The following LRMDA variants were observed in gnomAD, a reference collection of about 807,000 sequenced individuals.
The protein encoded by LRMDA is leucine rich melanocyte differentiation associated, also known as leucine-rich melanocyte differentiation-associated protein.
LRMDA carries 18 observed loss-of-function variants against 29.8 expected under a neutral mutation model. That is an observed-to-expected ratio of 0.60 (90% confidence interval 0.42 to 0.90). The LOEUF is 0.90. LRMDA is among the 40% of genes least tolerant of loss of function. LRMDA has a pLI of 0.00. For missense variants in LRMDA, 273 were observed against 273.9 expected, an observed-to-expected ratio of 1.00 and a Z score of 0.02; for synonymous variants, 125 against 109.4, an observed-to-expected ratio of 1.14 and a Z score of -0.89.
chr10:76,452,633 A>G (rs901851694), intron 6 of LRMDA, among the ~76,000 whole-genome samples: 5 of 152,202 alleles, frequency 3.3e-5, no homozygotes, highest in Admixed American at 3.3e-4. Context: ...AGAAAATGGA[A>G]AGCAGTGTCC....
chr10:75,814,575 C>T (rs1241119304), intron 2 of LRMDA, among the ~76,000 whole-genome samples: 1 of 148,164 alleles, frequency 6.7e-6, no homozygotes, highest in East Asian at 1.9e-4. Context: ...CCAGCCTTGG[C>T]CCCGCCACCT....
At chr10:76,410,103 A>G (rs752240300) in intron 6 of LRMDA, among the ~76,000 whole-genome samples, 3 of 152,122 alleles carry the variant, frequency 2.0e-5, no homozygotes, top group Non-Finnish European at 4.4e-5. Flanking sequence ...GGGCAGAGGC[A>G]TGGAATGTTG....
intron 5 of LRMDA, among the ~76,000 whole-genome samples, chr10:76,218,361 G>A (rs558803094): frequency 3.8e-4 from 58 of 152,340 alleles, no homozygotes; most frequent in Non-Finnish European, 6.9e-4. Context: ...TGGCAGTGCC[G>A]AGAGACCCGG....
intron 3 of LRMDA, among the ~76,000 whole-genome samples, chr10:76,039,442 T>A (rs1350621622): frequency 6.6e-6 from 1 of 152,214 alleles, no homozygotes; most frequent in African/African-American, 2.4e-5. Context: ...TATTTTAAAT[T>A]TTTTTGGTTT....
rs375968552 is a variant in LRMDA, at chr10:75,935,098, C to T, written c.132-100910C>T. 3.2e-4 allele frequency among the ~76,000 whole-genome samples: 49 copies of T among 152,240 alleles called. 1 individual carries two copies. The highest frequency in any genetic ancestry group is 2.5e-3 in the East Asian group (13 of 5,164). On this transcript the variant is annotated intron_variant, in intron 2 of 6. Coordinates refer to ENST00000611255, the MANE Select transcript of LRMDA (RefSeq NM_001305581.2). ...CTCACTACAGCCACTCCCAAAGAAA[C>T]AAGAATCCTTTTTCTTTCCCGTCTC...
chr10:75,757,663 A>T (rs1002167708), intron 2 of LRMDA, among the ~76,000 whole-genome samples: 5 of 152,156 alleles, frequency 3.3e-5, no homozygotes, highest in African/African-American at 1.2e-4. Context: ...CTGAGTTAAG[A>T]TGGTATGTAC....
chr10:75,611,227 G>GCAGC, intron 2 of LRMDA, among the ~76,000 whole-genome samples: 2 of 152,254 alleles, frequency 1.3e-5, no homozygotes, highest in Middle Eastern at 6.8e-3. Flanking sequence ...GGAGGCAAGT[G>GCAGC]CAGCCCTGAT....
At chr10:76,022,750 G>T (rs1341911902) in intron 2 of LRMDA, among the ~76,000 whole-genome samples, 2 of 152,062 alleles carry the variant, frequency 1.3e-5, no homozygotes, top group Non-Finnish European at 2.9e-5. Context: ...TCCTAGGCCT[G>T]GCTAGGGGAT....
chr10:75,550,667 G>A lies in LRMDA; in HGVS notation c.131+112173G>A, dbSNP rs144148605. Among the ~76,000 whole-genome samples, 14 of 151,840 alleles carry A rather than the reference G, an allele frequency of 9.2e-5. No individual in the cohort carries two copies. In the East Asian group the frequency reaches 2.7e-3, roughly 29 times the overall value. ...GCCATTTATCCTTAATGTAACTATTGGTATAGTTGGTTTTGAGTCTACCAT... is the reference window on the plus strand; with the variant it reads ...GCCATTTATCCTTAATGTAACTATTAGTATAGTTGGTTTTGAGTCTACCAT... On this transcript the variant is annotated intron_variant, in intron 2 of 6. Coordinates refer to ENST00000611255, the MANE Select transcript of LRMDA (RefSeq NM_001305581.2).
intron 2 of LRMDA, among the ~76,000 whole-genome samples, chr10:75,502,430 T>G (rs1211440993): frequency 6.6e-6 from 1 of 152,050 alleles, no homozygotes; most frequent in Non-Finnish European, 1.5e-5. Context: ...TTTTAGATTT[T>G]TTTTTTTTAT....
intron 2 of LRMDA, among the ~76,000 whole-genome samples, chr10:75,752,929 T>C (rs1842985402): frequency 6.6e-6 from 1 of 152,214 alleles, no homozygotes; most frequent in Non-Finnish European, 1.5e-5. Context: ...TTGATCTGTG[T>C]CCACCTACTT....
chr10:75,971,368 T>C (rs780440303), intron 2 of LRMDA, among the ~76,000 whole-genome samples: 4 of 152,200 alleles, frequency 2.6e-5, no homozygotes, highest in Non-Finnish European at 4.4e-5. Context: ...AGGGTTTATG[T>C]AGTGCTTGTC....
In LRMDA at chr10:76,558,596, G is replaced by A. The variant is rs560252332; in HGVS notation, c.*1308G>A. The A allele has an allele frequency of 1.3e-5, 2 of 152,304 alleles. No individual in the cohort carries two copies. The highest frequency in any genetic ancestry group is 4.1e-4 in the South Asian group (2 of 4,822). The allele number at this position is 152,304 out of a possible 1,614,324, so 9.4% of individuals were successfully genotyped here. Reference sequence around the variant, plus strand: ...TTTCTGCTTCTTCCATTTAGACCAAGTGTTCATTGTCCTCCCAGTATTAGG... The same window carrying A: ...TTTCTGCTTCTTCCATTTAGACCAAATGTTCATTGTCCTCCCAGTATTAGG... On this transcript the variant is annotated 3_prime_UTR_variant, in exon 7 of 7. Transcript: ENST00000611255.
chr10:76,513,088 T>C (rs1843024587), intron 6 of LRMDA, among the ~76,000 whole-genome samples: 1 of 152,150 alleles, frequency 6.6e-6, no homozygotes, highest in Non-Finnish European at 1.5e-5. Flanking sequence ...CTTTATTACA[T>C]ATAGATCAAT....
chr10:76,093,806 C>T (rs947772386), intron 5 of LRMDA, among the ~76,000 whole-genome samples: 1 of 152,162 alleles, frequency 6.6e-6, no homozygotes, highest in African/African-American at 2.4e-5. Context: ...TGAGGTCTCA[C>T]GTTCCCCCAC....
At chr10:75,866,526 G>GC (rs1318451412) in intron 2 of LRMDA, among the ~76,000 whole-genome samples, 2 of 152,186 alleles carry the variant, frequency 1.3e-5, no homozygotes, top group Non-Finnish European at 2.9e-5. Context: ...TCAGAGAGAG[G>GC]CATGGGCAGC....
chr10:75,959,307 T>G (rs1056852532), intron 2 of LRMDA, among the ~76,000 whole-genome samples: 1 of 151,916 alleles, frequency 6.6e-6, no homozygotes, highest in African/African-American at 2.4e-5. Flanking sequence ...AGGGACCGGG[T>G]TTTGGGCAGC....
intron 2 of LRMDA, among the ~76,000 whole-genome samples, chr10:75,987,524 T>C (rs1284710037): frequency 6.6e-6 from 1 of 152,180 alleles, no homozygotes; most frequent in Admixed American, 6.5e-5. Flanking sequence ...GATATAGAAG[T>C]GTAGCAATAG....
chr10:75,637,734 C>G (rs1027810217), intron 2 of LRMDA, among the ~76,000 whole-genome samples: 1 of 152,182 alleles, frequency 6.6e-6, no homozygotes, highest in Admixed American at 6.5e-5. Context: ...GTCTGTCACA[C>G]GTTGATTTCT....
Sources: gnomAD v4.1 joint callset for allele counts (sites outside exome capture counted in the v4.1 genomes callset) on GRCh38, gnomAD v4.1.1 for gene constraint, MANE v1.5 for transcripts, NCBI Gene and HGNC (gene_info 2026-07-23, HGNC 2026-07-21) for gene names.